ADARB1: variants seen among roughly 807,000 people sequenced by gnomAD.
ADARB1 encodes double-stranded RNA-specific editase 1.
ADARB1 carries 10 observed loss-of-function variants against 52.4 expected under a neutral mutation model. The ratio of observed to expected loss-of-function variants is 0.19; its 90% CI spans 0.12 to 0.32. ADARB1 has a LOEUF of 0.32. Among genes scored for constraint, ADARB1 ranks in the 10% least tolerant of loss-of-function variants. ADARB1 has a pLI of 1.00. For synonymous variants in ADARB1, 349 were observed against 371.1 expected (o/e 0.94, Z 0.68); for missense variants, 643 against 922.3 (o/e 0.70, Z 3.92).
chr21:45,175,622 C>A, intron 3 of ADARB1, 108 bp from the exon 4 acceptor site: 1 of 1,104,540 alleles, frequency 9.1e-7, no homozygotes, highest in Non-Finnish European at 1.3e-6. Flanking sequence ...AATTTATAAG[C>A]ACACATCACT....
At chr21:45,076,332 T>C (rs536689682) in intron 1 of ADARB1, among the ~76,000 whole-genome samples, 1 of 152,210 alleles carries the variant, frequency 6.6e-6, no homozygotes, top group Non-Finnish European at 1.5e-5. Context: ...AAGTATTTGA[T>C]GAGACAGGCT....
chr21:45,087,455 C>T (rs867897919), intron 1 of ADARB1, among the ~76,000 whole-genome samples: 13 of 152,160 alleles, frequency 8.5e-5, no homozygotes, highest in Admixed American at 2.6e-4. Context: ...GGAAGACACA[C>T]GCTCCCTGCA....
At position 45,116,326 on chromosome 21, in the gene ADARB1, C is replaced by T. The variant is rs554754609; in HGVS notation, c.-219-12076C>T. 1.8e-4 allele frequency among the ~76,000 whole-genome samples: 27 copies of T among 152,366 alleles called. 1 individual carries two copies. The highest frequency in any genetic ancestry group is 1.3e-3 in the Admixed American group (20 of 15,306). On this transcript the variant is annotated intron_variant, in intron 1 of 10. Coordinates refer to ENST00000348831, the MANE Select transcript of ADARB1 (RefSeq NM_001112.4). ...CACCCCTGCGTGCCTTCCCTTGCCTCGGCTGCTAAGTCTTTGGAGAAAACT... is the reference window on the plus strand; with the variant it reads ...CACCCCTGCGTGCCTTCCCTTGCCTTGGCTGCTAAGTCTTTGGAGAAAACT...
rs1354280737 is a variant in ADARB1 at position 45,176,758 on chromosome 21, C to T, written c.963+94C>T. 3.8e-6 allele frequency: 5 copies of T among 1,309,114 alleles called. No homozygotes were observed. Among genetic ancestry groups the T allele is most frequent in the Non-Finnish European group, 5.2e-6 (5 of 964,440 alleles). 81.1% of individuals were successfully genotyped at this position (1,309,114 alleles called of 1,614,324 possible). On this transcript the variant is annotated intron_variant, in intron 4 of 10. Transcript: ENST00000348831. The surrounding 1 kb of genome is among the most constrained non-coding windows in gnomAD (Gnocchi z 5.8). Reference sequence around the variant, plus strand: ...TAGTTTCAGGATTACTGTTGACTTTCCACCTTGACATCACTCTGTCCCCAC... The same window carrying T: ...TAGTTTCAGGATTACTGTTGACTTTTCACCTTGACATCACTCTGTCCCCAC...
At position 45,220,933 on chromosome 21, in the gene ADARB1, G is replaced by A. The variant is rs749436550; in HGVS notation, c.1845G>A (p.Thr615=). Residue 615 remains threonine (T), a synonymous_variant, in exon 10 of 11, where the codon ACG becomes ACA. Coordinates refer to ENST00000348831, the MANE Select transcript of ADARB1 (RefSeq NM_001112.4). The surrounding 1 kb of genome is among the most constrained non-coding windows in gnomAD (Gnocchi z 6.3). The part of the protein sequence containing the change: ...GDSAIEVINA[T]TGKDELGRAS... The stretch of plus-strand genomic sequence containing the variant: ...CCGCTATTGAGGTCATCAACGCCAC[G>A]ACTGGGAAGGATGAGCTGGGCCGCG... 8.7e-6 allele frequency: 14 copies of A among 1,613,306 alleles called. No individual in the cohort carries two copies. The highest frequency in any genetic ancestry group is 1.6e-4 in the Middle Eastern group (1 of 6,084).
intron 1 of ADARB1, among the ~76,000 whole-genome samples, chr21:45,123,646 G>C (rs1342693761): frequency 6.6e-6 from 1 of 151,784 alleles, no homozygotes; most frequent in Non-Finnish European, 1.5e-5. Flanking sequence ...TGTCACTCAG[G>C]CTGGAGTGCA....
Position 45,148,484 on chromosome 21 carries a change from G to A in ADARB1, c.-48+19911G>A, listed in dbSNP as rs73384731. Among the ~76,000 whole-genome samples the A allele has an allele frequency of 9.7e-3, 1,483 of 152,342 alleles. 25 individuals are homozygous for A. The highest frequency in any genetic ancestry group is 0.034 in the African/African-American group (1,422 of 41,568). On this transcript the variant is annotated intron_variant, in intron 2 of 10. Transcript: ENST00000348831. ...ACCAGGGCCTGGGCTCCCCTTTGCT[G>A]TAATGTCGTAAAGTATGTCAGGAAG...
chr21:45,176,779 C>G lies in ADARB1; in HGVS notation c.963+115C>G. The G allele has an allele frequency of 8.4e-7, 1 of 1,184,476 alleles. No homozygotes were observed. 73.4% of individuals were successfully genotyped at this position (1,184,476 alleles called of 1,614,324 possible). ...CTTTCCACCTTGACATCACTCTGTC[C>G]CCACCAGGAGGAGTTACTGGTAAGT... On this transcript the variant is annotated intron_variant, in intron 4 of 10. Transcript: ENST00000348831. The surrounding 1 kb of genome is among the most constrained non-coding windows in gnomAD (Gnocchi z 5.8).
At chr21:45,161,159 C>T (rs1177885015) in intron 2 of ADARB1, among the ~76,000 whole-genome samples, 3 of 152,104 alleles carry the variant, frequency 2.0e-5, no homozygotes, top group Non-Finnish European at 2.9e-5. Context: ...TCAGCTGCAG[C>T]GGGGGAGGCT....
chr21:45,129,956 TG>T (rs1294079647), intron 2 of ADARB1, among the ~76,000 whole-genome samples: 1 of 152,054 alleles, frequency 6.6e-6, no homozygotes, highest in Non-Finnish European at 1.5e-5. Context: ...ATGCTTTTTT[TG>T]GGGGGGTACA....
At chr21:45,095,945 C>T (rs1471426372) in intron 1 of ADARB1, among the ~76,000 whole-genome samples, 11 of 152,190 alleles carry the variant, frequency 7.2e-5, no homozygotes, top group Admixed American at 7.2e-4. Context: ...ATATTTAGCA[C>T]CCACTTTTTA....
chr21:45,220,616 C>T lies in ADARB1; in HGVS notation c.1748-220C>T, dbSNP rs762439163. Among the ~76,000 whole-genome samples the T allele has an allele frequency of 1.3e-5, 2 of 152,238 alleles. No individual in the cohort carries two copies. Among genetic ancestry groups the T allele is most frequent in the Non-Finnish European group, 2.9e-5 (2 of 68,046 alleles). The stretch of plus-strand genomic sequence containing the variant: ...ACAAGTGCATACCCGTGGGTCAGTT[C>T]TGCTTTCTCAGCACTGCTCCTATTC... On this transcript the variant is annotated intron_variant, in intron 9 of 10. Coordinates refer to ENST00000348831, the MANE Select transcript of ADARB1 (RefSeq NM_001112.4). The surrounding 1 kb of genome is among the most constrained non-coding windows in gnomAD (Gnocchi z 6.3).
chr21:45,104,474 G>A (rs1381071079), intron 1 of ADARB1, among the ~76,000 whole-genome samples: 1 of 152,186 alleles, frequency 6.6e-6, no homozygotes, highest in African/African-American at 2.4e-5. Flanking sequence ...GTGGGGGTCA[G>A]GGCATGGACA....
chr21:45,225,496 A>AATCGCC lies in ADARB1; in HGVS notation c.*3301_*3306dup. 7.6e-7 allele frequency: 1 copy of AATCGCC among 1,315,868 alleles called. No homozygotes were observed. Among genetic ancestry groups the AATCGCC allele is most frequent in the Non-Finnish European group, 9.8e-7 (1 of 1,022,876 alleles). The allele number at this position is 1,315,868 out of a possible 1,614,324, so 81.5% of individuals were successfully genotyped here. A position where few individuals can be genotyped will look rare whatever the true frequency, so the allele number is the denominator to read the frequency against. ...AACCATATTTATCTCCAGGCTGTGG[A>AATCGCC]ATCGCCACTTTCTTTGTGAAGACAG... On this transcript the variant is annotated 3_prime_UTR_variant, in exon 11 of 11. Transcript: ENST00000348831.
At chr21:45,178,379 T>C (rs2091787846) in intron 4 of ADARB1, among the ~76,000 whole-genome samples, 1 of 152,256 alleles carries the variant, frequency 6.6e-6, no homozygotes, top group Non-Finnish European at 1.5e-5. Flanking sequence ...CTGGGCTCTG[T>C]AGGTGCTGAA....
At chr21:45,149,089 C>G (rs922322703) in intron 2 of ADARB1, among the ~76,000 whole-genome samples, 2 of 152,210 alleles carry the variant, frequency 1.3e-5, no homozygotes, top group Non-Finnish European at 2.9e-5. Context: ...CCCTGACACC[C>G]GCATGTTCCT....
rs2093010834 is a variant in ADARB1, at chr21:45,223,933, C to T, written c.*1736C>T. On this transcript the variant is annotated 3_prime_UTR_variant, in exon 11 of 11. Coordinates refer to ENST00000348831, the MANE Select transcript of ADARB1 (RefSeq NM_001112.4). Reference sequence around the variant, plus strand: ...GCCCCACAGCAGCCTCCTCCTCCACCGAAGAGGGTAGTTGTCTCCCTGAAG... The same window carrying T: ...GCCCCACAGCAGCCTCCTCCTCCACTGAAGAGGGTAGTTGTCTCCCTGAAG... 2 of 985,586 alleles carry T rather than the reference C, an allele frequency of 2.0e-6. No individual in the cohort carries two copies. Among genetic ancestry groups the T allele is most frequent in the Non-Finnish European group, 2.4e-6 (2 of 830,124 alleles). 61.1% of individuals were successfully genotyped at this position (985,586 alleles called of 1,614,324 possible). A position where few individuals can be genotyped will look rare whatever the true frequency, so the allele number is the denominator to read the frequency against.
At chr21:45,078,074 TG>T (rs2086015818) in intron 1 of ADARB1, among the ~76,000 whole-genome samples, 1 of 152,174 alleles carries the variant, frequency 6.6e-6, no homozygotes, top group African/African-American at 2.4e-5. Flanking sequence ...TTTGGTAGTT[TG>T]ATTAGTACTG....
At chr21:45,129,791 C>T (rs1470360937) in intron 2 of ADARB1, among the ~76,000 whole-genome samples, 6 of 152,080 alleles carry the variant, frequency 3.9e-5, no homozygotes, top group African/African-American at 1.2e-4. Context: ...GGGGGGACGC[C>T]GTCTTTGGGG....
Sources: allele counts gnomAD v4.1 joint callset (sites outside exome capture counted in the v4.1 genomes callset), GRCh38; gene constraint gnomAD v4.1.1; non-coding constraint Gnocchi (gnomAD v3.1); transcripts MANE v1.5; gene names NCBI Gene and HGNC (gene_info 2026-07-23, HGNC 2026-07-21).